The following WWC2 variants were observed in gnomAD, a reference collection of about 807,000 sequenced individuals.
WWC2 encodes the protein protein WWC2.
WWC2 carries 101 observed loss-of-function variants against 138.5 expected under a neutral mutation model. The ratio of observed to expected loss-of-function variants is 0.73; its 90% CI spans 0.62 to 0.86. The LOEUF is 0.86. Among genes scored for constraint, WWC2 ranks in the 40% least tolerant of loss-of-function variants. The pLI is 0.00. For missense variants in WWC2, 1,420 were observed against 1,419.4 expected (o/e 1.00, Z -0.01); for synonymous variants, 558 against 538.4 (o/e 1.04, Z -0.50).
intron 1 of WWC2, among the ~76,000 whole-genome samples, chr4:183,176,367 C>G (rs1182995814): frequency 2.6e-5 from 4 of 152,070 alleles, no homozygotes; most frequent in South Asian, 2.1e-4. Flanking sequence ...ATCTGTGATT[C>G]TTTCAGTTTG....
rs116473041 is a variant in WWC2, at chr4:183,308,119, C to T, written c.3385-4222C>T. On this transcript the variant is annotated intron_variant, in intron 21 of 22. Coordinates refer to ENST00000403733, the MANE Select transcript of WWC2 (RefSeq NM_024949.6). ...TGGAATTTGAAATTAAAAACAATGC[C>T]GTTTCCATTAGTATCCAAAAAGTGA... is the stretch of plus-strand genomic sequence containing the variant. Among the ~76,000 whole-genome samples, 811 of 152,222 alleles carry T rather than the reference C, an allele frequency of 5.3e-3. 8 individuals are homozygous for T. Among genetic ancestry groups the T allele is most frequent in the African/African-American group, 0.018 (757 of 41,544 alleles).
intron 1 of WWC2, among the ~76,000 whole-genome samples, chr4:183,173,218 A>T (rs1734343769): frequency 1.3e-5 from 2 of 151,474 alleles, no homozygotes; most frequent in South Asian, 4.2e-4. Context: ...CTAATTTTTT[A>T]ATTTCTTTGT....
intron 4 of WWC2, among the ~76,000 whole-genome samples, chr4:183,215,156 T>G (rs1280942917): frequency 2.0e-5 from 3 of 152,200 alleles, no homozygotes; most frequent in Non-Finnish European, 4.4e-5. Flanking sequence ...AACTTATAAA[T>G]TAGACATAGT....
chr4:183,194,012 C>T (rs1013780813), intron 2 of WWC2, among the ~76,000 whole-genome samples: 27 of 152,130 alleles, frequency 1.8e-4, no homozygotes, highest in African/African-American at 6.3e-4. Flanking sequence ...CTGCTGGGCT[C>T]CTCTTTCCAT....
At chr4:183,300,903 C>T (rs952402449) in intron 21 of WWC2, among the ~76,000 whole-genome samples, 1 of 152,134 alleles carries the variant, frequency 6.6e-6, no homozygotes, top group Non-Finnish European at 1.5e-5. Flanking sequence ...CGTTCTATTC[C>T]TGTGGAAGGT....
intron 1 of WWC2, among the ~76,000 whole-genome samples, chr4:183,125,372 G>A (rs1732728345): frequency 6.6e-6 from 1 of 152,108 alleles, no homozygotes. Flanking sequence ...ATAGCTTATA[G>A]TTATTGTAAT....
At chr4:183,279,357 G>C (rs1320817536) in intron 16 of WWC2, among the ~76,000 whole-genome samples, 1 of 151,954 alleles carries the variant, frequency 6.6e-6, no homozygotes, top group African/African-American at 2.4e-5. Context: ...GCTTTTTGAT[G>C]TGCTGCTGGA....
At chr4:183,099,984 C>CG (rs886376223) in intron 1 of WWC2, among the ~76,000 whole-genome samples, 15 of 152,292 alleles carry the variant, frequency 9.8e-5, no homozygotes, top group Middle Eastern at 6.8e-3. Context: ...CTCTGGGCGG[C>CG]GGGGGTGGGC....
chr4:183,151,092 T>C (rs1394933830), intron 1 of WWC2, among the ~76,000 whole-genome samples: 1 of 152,222 alleles, frequency 6.6e-6, no homozygotes, highest in Non-Finnish European at 1.5e-5. Flanking sequence ...TTTCTAGTTC[T>C]AGATCCTTGA....
In WWC2 at chr4:183,227,224, C is replaced by T. The variant is rs149185032; in HGVS notation, c.523-12959C>T. On this transcript the variant is annotated intron_variant, in intron 4 of 22. Coordinates refer to ENST00000403733, the MANE Select transcript of WWC2 (RefSeq NM_024949.6). ...AAAACATTGGGACCGTTGGATTTAT[C>T]ACCATCAGATACCCCTGAATTCACA... Among the ~76,000 whole-genome samples the T allele has an allele frequency of 1.6e-3, 250 of 152,174 alleles. 3 individuals are homozygous for T. The highest frequency in any genetic ancestry group is 7.7e-4 in the East Asian group (4 of 5,192).
intron 1 of WWC2, among the ~76,000 whole-genome samples, chr4:183,191,391 A>G (rs1005139474): frequency 6.6e-6 from 1 of 152,092 alleles, no homozygotes; most frequent in African/African-American, 2.4e-5. Flanking sequence ...TTACTCATCT[A>G]ACATATATTG....
At chr4:183,218,569 A>C (rs749412076) in intron 4 of WWC2, among the ~76,000 whole-genome samples, 12 of 152,234 alleles carry the variant, frequency 7.9e-5, no homozygotes, top group Non-Finnish European at 1.5e-4. Flanking sequence ...ACAATTATGG[A>C]AACTGGCGAG....
At chr4:183,207,744 A>G (rs1043534647) in intron 2 of WWC2, among the ~76,000 whole-genome samples, 7 of 152,176 alleles carry the variant, frequency 4.6e-5, no homozygotes, top group African/African-American at 1.7e-4. Flanking sequence ...ATTTATAGTG[A>G]GAATACACTG....
rs780203350 is a variant in WWC2, at chr4:183,261,138, C to T, written c.1515C>T (p.Ile505=). Residue 505 remains isoleucine, a synonymous_variant, in exon 11 of 23, where the codon ATC becomes ATT. Transcript: ENST00000403733. ...GYIPSGPITT[I]HENEVVKSPS... ...TTCCTTCTGGACCCATCACCACCAT[C>T]CATGAAAACGAGGTGGTCAAGTCCC... is the stretch of plus-strand genomic sequence containing the variant. 4 of 1,614,000 alleles carry T rather than the reference C, an allele frequency of 2.5e-6. No homozygotes were observed. Among genetic ancestry groups the T allele is most frequent in the Non-Finnish European group, 2.5e-6 (3 of 1,179,874 alleles).
chr4:183,118,456 C>G (rs1404223667), intron 1 of WWC2, among the ~76,000 whole-genome samples: 1 of 151,876 alleles, frequency 6.6e-6, no homozygotes, highest in Admixed American at 6.6e-5. Context: ...CTATGTTTTC[C>G]TACATTTCTA....
chr4:183,217,091 A>C (rs891528714), intron 4 of WWC2, among the ~76,000 whole-genome samples: 3 of 152,242 alleles, frequency 2.0e-5, no homozygotes. Flanking sequence ...AATTGAAAGC[A>C]AACATTGAAA....
At chr4:183,269,291 C>A (rs1737621087) in intron 15 of WWC2, 128 bp downstream of exon 15, 1 of 901,714 alleles carries the variant, frequency 1.1e-6, no homozygotes, top group Admixed American at 2.3e-5. Flanking sequence ...TGGGATACAT[C>A]TAGTGTTTGT....
chr4:183,312,473 A>G lies in WWC2; in HGVS notation c.3512+5A>G, dbSNP rs945815080. 6.2e-6 allele frequency: 10 copies of G among 1,613,310 alleles called. No individual in the cohort carries two copies. Among genetic ancestry groups the G allele is most frequent in the Non-Finnish European group, 8.5e-6 (10 of 1,179,474 alleles). On this transcript the variant is annotated splice_donor_5th_base_variant and intron_variant, in intron 22 of 22. Transcript: ENST00000403733. ...TCGGCAGGTGCAGTCCTTCAGGTGA[A>G]TAGCCCCATCCAGGACAGCTTTTGG...
At chr4:183,302,395 T>C (rs11932929) in intron 21 of WWC2, among the ~76,000 whole-genome samples, 13,773 of 152,258 alleles carry the variant, frequency 0.09, 754 homozygotes, top group South Asian at 0.17. Context: ...GCTTAAGTCA[T>C]AACAGAAGCA....
Sources: allele counts gnomAD v4.1 joint callset (sites outside exome capture counted in the v4.1 genomes callset), GRCh38; gene constraint gnomAD v4.1.1; transcripts MANE v1.5; gene names NCBI Gene and HGNC (gene_info 2026-07-23, HGNC 2026-07-21).